DMD: variants seen among roughly 807,000 people sequenced by gnomAD.
DMD encodes mutant dystrophin.
In DMD, 63 loss-of-function variants were observed where a neutral mutation model predicts 330.1. That is an observed-to-expected ratio of 0.19 (90% CI 0.16 to 0.24). The LOEUF (loss-of-function observed/expected upper bound fraction) is 0.24, where lower values mean the gene tolerates loss of function less well. DMD is among the 10% of genes least tolerant of loss of function. DMD has a pLI of 1.00. For missense variants in DMD, 3,344 were observed against 2,684.1 expected (o/e 1.25, Z -5.43); for synonymous variants, 1,223 against 959.8 (o/e 1.27, Z -5.07).
chrX:32,901,563 T>G (rs1381437538), intron 2 of DMD, among the ~76,000 whole-genome samples: 1 of 111,188 alleles, frequency 9.0e-6, no homozygotes, highest in African/African-American at 3.3e-5. Flanking sequence ...TGAAAAAATA[T>G]TCATTAAAAA....
chrX:32,480,729 G>C (rs893513711), intron 21 of DMD, among the ~76,000 whole-genome samples: 20 of 110,637 alleles, frequency 1.8e-4, no homozygotes, highest in African/African-American at 6.5e-4. Flanking sequence ...CATTTAGCGA[G>C]TTTTCCCATG....
Position 32,991,946 on chromosome X carries a change from A to G in DMD, c.93+28193T>C, listed in dbSNP as rs186416312. Among the ~76,000 whole-genome samples, 162 of 112,347 alleles carry G rather than the reference A, an allele frequency of 1.4e-3. 1 individual carries two copies. The highest frequency in any genetic ancestry group is 4.9e-3 in the African/African-American group (151 of 31,039). On this transcript the variant is annotated intron_variant, in intron 2 of 78. Coordinates refer to ENST00000357033, the MANE Select transcript of DMD (RefSeq NM_004006.3). ...TTAATATGCCATTTCACAGCTTGCAATTGCTTATTGTGAATGCTCCTATTT... is the reference window on the plus strand; with the variant it reads ...TTAATATGCCATTTCACAGCTTGCAGTTGCTTATTGTGAATGCTCCTATTT...
At chrX:31,910,336 G>C (rs1194361807) in intron 47 of DMD, among the ~76,000 whole-genome samples, 1 of 110,967 alleles carries the variant, frequency 9.0e-6, no homozygotes, top group African/African-American at 3.3e-5. Flanking sequence ...CTAGACTGCT[G>C]TTTGGCACAG....
chrX:33,164,001 A>G (rs1301914938), intron 1 of DMD, among the ~76,000 whole-genome samples: 1 of 111,349 alleles, frequency 9.0e-6, no homozygotes, highest in Non-Finnish European at 1.9e-5. Context: ...ATGGTTCTCC[A>G]GTAAAGACTA....
At chrX:31,321,697 G>A (rs1289660378) in intron 62 of DMD, among the ~76,000 whole-genome samples, 1 of 108,824 alleles carries the variant, frequency 9.2e-6, no homozygotes, top group Non-Finnish European at 1.9e-5. Flanking sequence ...CTAGACTGGA[G>A]GACTAAAATT....
At chrX:31,785,654 T>C (rs1475508317) in intron 50 of DMD, among the ~76,000 whole-genome samples, 1 of 109,141 alleles carries the variant, frequency 9.2e-6, no homozygotes, top group African/African-American at 3.3e-5. Flanking sequence ...CCCATCTCCA[T>C]GTGTTCTCAT....
At chrX:32,669,740 G>A (rs1465870908) in intron 9 of DMD, among the ~76,000 whole-genome samples, 1 of 111,011 alleles carries the variant, frequency 9.0e-6, no homozygotes, top group Non-Finnish European at 1.9e-5. Context: ...CTTCCTAAAG[G>A]CAAAGTGCCT....
intron 62 of DMD, among the ~76,000 whole-genome samples, chrX:31,321,262 C>T (rs2056391297): frequency 9.0e-6 from 1 of 111,137 alleles, no homozygotes; most frequent in Admixed American, 9.6e-5. Flanking sequence ...TAGATATCAT[C>T]TAGTCCAACT....
At chrX:33,057,718 C>T (rs902911295) in intron 1 of DMD, among the ~76,000 whole-genome samples, 1 of 111,910 alleles carries the variant, frequency 8.9e-6, no homozygotes, top group Non-Finnish European at 1.9e-5. Flanking sequence ...TTATAGATAA[C>T]TTTGGCCAGT....
chrX:32,981,789 G>A (rs2092713429), intron 2 of DMD, among the ~76,000 whole-genome samples: 1 of 110,907 alleles, frequency 9.0e-6, no homozygotes, highest in Non-Finnish European at 1.9e-5. Flanking sequence ...ATATATTAGT[G>A]TGAATGTATG....
chrX:32,478,254 G>GA (rs34311156), intron 21 of DMD, among the ~76,000 whole-genome samples: 4 of 110,994 alleles, frequency 3.6e-5, no homozygotes, highest in South Asian at 7.5e-4. Context: ...TACCTGTGGG[G>GA]AAAAAAATGC....
At chrX:33,080,086 C>T (rs2094904933) in intron 1 of DMD, among the ~76,000 whole-genome samples, 1 of 112,456 alleles carries the variant, frequency 8.9e-6, no homozygotes, top group South Asian at 3.6e-4. Context: ...AGTTTGACCA[C>T]AAGGTGACAT....
intron 2 of DMD, among the ~76,000 whole-genome samples, chrX:32,999,976 G>T (rs1288022894): frequency 1.8e-5 from 2 of 112,201 alleles, no homozygotes; most frequent in Non-Finnish European, 3.8e-5. Flanking sequence ...ATGTAACTTC[G>T]TTGAAAGTTA....
intron 2 of DMD, among the ~76,000 whole-genome samples, chrX:33,003,412 G>T (rs1010725904): frequency 8.9e-6 from 1 of 112,133 alleles, no homozygotes; most frequent in Non-Finnish European, 1.9e-5. Context: ...ATTTTGGGGA[G>T]TGGAAGAAAG....
chrX:32,692,556 T>A (rs1403178601), intron 9 of DMD, among the ~76,000 whole-genome samples: 2 of 111,719 alleles, frequency 1.8e-5, no homozygotes, highest in Non-Finnish European at 3.8e-5. Flanking sequence ...AACACAGGAT[T>A]GCTGGATGTA....
rs1374731382 is a variant in DMD at position 32,590,308 on chromosome X, T to C, written c.1602+5449A>G. Among the ~76,000 whole-genome samples, 5 of 112,333 alleles carry C rather than the reference T, an allele frequency of 4.5e-5. No homozygotes were observed. In the East Asian group the frequency reaches 8.4e-4, roughly 19 times the overall value. On this transcript the variant is annotated intron_variant, in intron 13 of 78. Transcript: ENST00000357033. ...CATGGCCTCATGTTTAATAATCTGA[T>C]CCAAAATTGTGTTTTCCAGGTTTTC...
chrX:33,292,237 G>A (rs2053522784), intron 1 of DMD, among the ~76,000 whole-genome samples: 1 of 110,907 alleles, frequency 9.0e-6, no homozygotes, highest in Non-Finnish European at 1.9e-5. Flanking sequence ...AGTACCATTA[G>A]AAGATACAAA....
At chrX:32,913,534 G>T (rs1029742397) in intron 2 of DMD, among the ~76,000 whole-genome samples, 1 of 111,976 alleles carries the variant, frequency 8.9e-6, no homozygotes, top group Non-Finnish European at 1.9e-5. Flanking sequence ...AGAGCTACAG[G>T]TTACCTTCTT....
intron 1 of DMD, among the ~76,000 whole-genome samples, chrX:33,219,139 T>A (rs1312794045): frequency 9.0e-6 from 1 of 111,084 alleles, no homozygotes; most frequent in Admixed American, 9.7e-5. Flanking sequence ...TTTTTGGCAT[T>A]TGGGATATTA....
Sources: allele counts gnomAD v4.1 joint callset (sites outside exome capture counted in the v4.1 genomes callset), GRCh38; gene constraint gnomAD v4.1.1; transcripts MANE v1.5; gene names NCBI Gene and HGNC (gene_info 2026-07-23, HGNC 2026-07-21).